The following ADAMTS18 variants were observed in gnomAD, a reference collection of about 807,000 sequenced individuals.
The protein encoded by ADAMTS18 is ADAM metallopeptidase with thrombospondin type 1 motif 18, also known as A disintegrin and metalloproteinase with thrombospondin motifs 18.
ADAMTS18 carries 157 observed loss-of-function variants against 165.9 expected under a neutral mutation model. That is an observed-to-expected ratio of 0.95 (90% confidence interval 0.83 to 1.08). The LOEUF (loss-of-function observed/expected upper bound fraction) is 1.08. Ranked by LOEUF, ADAMTS18 falls within the 50% of genes least tolerant of loss-of-function variation. ADAMTS18 has a pLI of 0.00. For synonymous variants in ADAMTS18, 782 were observed against 578.2 expected, an observed-to-expected ratio of 1.35 and a Z score of -5.06; for missense variants, 2,040 against 1,534.0, an observed-to-expected ratio of 1.33 and a Z score of -5.51.
At chr16:77,420,030 G>A (rs536907903) in intron 3 of ADAMTS18, among the ~76,000 whole-genome samples, 3 of 119,458 alleles carry the variant, frequency 2.5e-5, no homozygotes, top group South Asian at 2.9e-4. Flanking sequence ...AAAAGACATC[G>A]ACCTCCTACA....
intron 14 of ADAMTS18, among the ~76,000 whole-genome samples, chr16:77,322,092 T>C (rs2056009321): frequency 7.1e-6 from 1 of 141,600 alleles, no homozygotes; most frequent in African/African-American, 2.7e-5. Context: ...GAGGCAGAGG[T>C]TACAGTGAGC....
At chr16:77,399,441 C>T (rs75549511) in intron 3 of ADAMTS18, among the ~76,000 whole-genome samples, 1 of 152,116 alleles carries the variant, frequency 6.6e-6, no homozygotes, top group African/African-American at 2.4e-5. Context: ...TAAAAGAAAG[C>T]CTCAGAGAAG....
chr16:77,360,084 C>G (rs1457712943), intron 7 of ADAMTS18, among the ~76,000 whole-genome samples: 1 of 152,054 alleles, frequency 6.6e-6, no homozygotes, highest in African/African-American at 2.4e-5. Flanking sequence ...GTTTTGGGTC[C>G]TAATAATCAG....
chr16:77,406,437 T>C (rs1297035894), intron 3 of ADAMTS18, among the ~76,000 whole-genome samples: 5 of 152,092 alleles, frequency 3.3e-5, no homozygotes, highest in Non-Finnish European at 7.4e-5. Context: ...CAAAGATGCT[T>C]GCTTTTATCA....
rs543854543 is a variant in ADAMTS18, at chr16:77,378,765, G to A, written c.496-11042C>T. The stretch of plus-strand genomic sequence containing the variant: ...TAAAAGTGCTAAAAATAGTGCTCAG[G>A]ACATATATAACACTCAATACATATT... On this transcript the variant is annotated intron_variant, in intron 3 of 22. Transcript: ENST00000282849. 3 of 151,876 alleles carry A rather than the reference G, an allele frequency of 2.0e-5. No individual in the cohort carries two copies. In the South Asian group the frequency reaches 6.3e-4, roughly 32 times the overall value. The allele number at this position is 151,876 out of a possible 1,614,324, so 9.4% of individuals were successfully genotyped here.
chr16:77,311,279 T>G (rs545123133), intron 16 of ADAMTS18, among the ~76,000 whole-genome samples: 1 of 152,326 alleles, frequency 6.6e-6, no homozygotes, highest in East Asian at 1.9e-4. Flanking sequence ...AACAGCATTT[T>G]TCATTTTAGT....
intron 16 of ADAMTS18, among the ~76,000 whole-genome samples, chr16:77,314,945 G>T (rs2055860690): frequency 6.7e-6 from 1 of 150,172 alleles, no homozygotes; most frequent in Non-Finnish European, 1.5e-5. Flanking sequence ...TAGACATTAA[G>T]TGACACAGAG....
intron 3 of ADAMTS18, among the ~76,000 whole-genome samples, chr16:77,386,433 G>C (rs894234992): frequency 1.3e-5 from 2 of 152,112 alleles, no homozygotes; most frequent in African/African-American, 4.8e-5. Flanking sequence ...CTTTTCCCTA[G>C]AGGAATTTGA....
chr16:77,291,162 T>G (rs2055354585), intron 21 of ADAMTS18, 104 bp downstream of exon 21: 8 of 1,325,922 alleles, frequency 6.0e-6, no homozygotes, highest in South Asian at 4.9e-5. Context: ...CTTAGTTGTT[T>G]TTACTTAGAC....
chr16:77,335,099 T>C (rs1366085994), intron 12 of ADAMTS18, among the ~76,000 whole-genome samples: 1 of 148,826 alleles, frequency 6.7e-6, no homozygotes, highest in Non-Finnish European at 1.5e-5. Flanking sequence ...CAGCCTATTA[T>C]GATAGTATTA....
intron 3 of ADAMTS18, among the ~76,000 whole-genome samples, chr16:77,394,603 A>G (rs748564014): frequency 3.9e-4 from 59 of 152,228 alleles, no homozygotes; most frequent in Middle Eastern, 3.2e-3. Context: ...GAAATCTATT[A>G]CAGATTAAGA....
chr16:77,318,977 G>A (rs943782013), intron 16 of ADAMTS18, among the ~76,000 whole-genome samples: 1 of 152,154 alleles, frequency 6.6e-6, no homozygotes, highest in African/African-American at 2.4e-5. Context: ...GAGACATCAT[G>A]AGGACTAAAG....
chr16:77,434,441 C>A lies in ADAMTS18; in HGVS notation c.155G>T (p.Ser52Ile). 2.5e-6 allele frequency: 4 copies of A among 1,573,738 alleles called. No individual in the cohort carries two copies. The highest frequency in any genetic ancestry group is 3.4e-6 in the Non-Finnish European group (4 of 1,165,742). The change falls in exon 2 of 23, where the codon AGC (serine) becomes ATC (isoleucine). Residue 52 changes from serine to isoleucine, a missense_variant. Transcript: ENST00000282849. Reference sequence around the variant, plus strand: ...ACCATCATTTAATCCGCTGGCGCCGCTGCTGCTGTCACTGGCTAAGGCCGC... The same window carrying A: ...ACCATCATTTAATCCGCTGGCGCCGATGCTGCTGTCACTGGCTAAGGCCGC... The part of the protein sequence containing the change: ...VAAALASDSS[S>I]GASGLNDDYV...
intron 12 of ADAMTS18, among the ~76,000 whole-genome samples, chr16:77,335,464 T>C (rs2056293435): frequency 6.6e-6 from 1 of 151,924 alleles, no homozygotes; most frequent in African/African-American, 2.4e-5. Flanking sequence ...TTGTATATCT[T>C]AAAATAACTA....
chr16:77,342,910 C>T (rs964164990), intron 10 of ADAMTS18, among the ~76,000 whole-genome samples: 1 of 151,998 alleles, frequency 6.6e-6, no homozygotes, highest in African/African-American at 2.4e-5. Context: ...AGAGAGATGA[C>T]AGCTTGAGAA....
At chr16:77,285,796 T>C (rs144473806) in intron 22 of ADAMTS18, among the ~76,000 whole-genome samples, 46 of 152,306 alleles carry the variant, frequency 3.0e-4, no homozygotes, top group African/African-American at 9.9e-4. Flanking sequence ...AATCAGCAGA[T>C]ACTCTTGGCT....
chr16:77,288,859 C>T (rs1042102530), intron 22 of ADAMTS18, among the ~76,000 whole-genome samples: 4 of 152,072 alleles, frequency 2.6e-5, no homozygotes, highest in Admixed American at 1.3e-4. Flanking sequence ...TGACAGTAAA[C>T]CCAGAACTTG....
Position 77,282,144 on chromosome 16 carries a change from G to T in ADAMTS18, c.*1812C>A, listed in dbSNP as rs924532325. The T allele has an allele frequency of 4.0e-5, 6 of 151,882 alleles. No homozygotes were observed. The East Asian group carries it at 1.2e-3, about 29-fold the overall frequency. The allele number at this position is 151,882 out of a possible 1,614,324, so 9.4% of individuals were successfully genotyped here. On this transcript the variant is annotated 3_prime_UTR_variant, in exon 23 of 23. Coordinates refer to ENST00000282849, the MANE Select transcript of ADAMTS18 (RefSeq NM_199355.4). ...AACAAGCTGTCAAAGATAAAGAAAT[G>T]GAATACTTTATTATAAAACTTATAA...
intron 3 of ADAMTS18, among the ~76,000 whole-genome samples, chr16:77,403,974 T>A (rs1161899408): frequency 1.3e-5 from 2 of 151,072 alleles, no homozygotes; most frequent in Non-Finnish European, 3.0e-5. Flanking sequence ...ACAATTGGAG[T>A]TTTAAACTGG....
Sources: allele counts gnomAD v4.1 joint callset (sites outside exome capture counted in the v4.1 genomes callset), GRCh38; gene constraint gnomAD v4.1.1; transcripts MANE v1.5; gene names NCBI Gene and HGNC (gene_info 2026-07-23, HGNC 2026-07-21).